The following CDC27 variants were observed in gnomAD, a reference collection of about 807,000 sequenced individuals.
CDC27 encodes the protein cell division cycle 27.
In CDC27, 27 loss-of-function variants were observed where a neutral mutation model predicts 109.7. The observed-to-expected ratio is 0.25, with a 90% confidence interval of 0.18 to 0.34. The LOEUF is 0.34. Among genes scored for constraint, CDC27 ranks in the 10% least tolerant of loss-of-function variants. The pLI, the probability that CDC27 is intolerant of heterozygous loss-of-function variation, is 1.00. For synonymous variants in CDC27, 266 were observed against 333.9 expected, an observed-to-expected ratio of 0.80 and a Z score of 2.22; for missense variants, 579 against 960.2, an observed-to-expected ratio of 0.60 and a Z score of 5.25.
At chr17:47,149,681 A>G (rs112763614) in intron 9 of CDC27, among the ~76,000 whole-genome samples, 35 of 151,898 alleles carry the variant, frequency 2.3e-4, no homozygotes, top group African/African-American at 8.0e-4. Flanking sequence ...TCAGCTGGGC[A>G]TGGTAGCTCA....
At chr17:47,134,290 C>T (rs891857066) in intron 14 of CDC27, among the ~76,000 whole-genome samples, 1 of 149,174 alleles carries the variant, frequency 6.7e-6, no homozygotes, top group Non-Finnish European at 1.5e-5. Context: ...GAAACCACAC[C>T]CCTAAACCCA....
At chr17:47,127,060 C>T (rs2062162820) in intron 16 of CDC27, among the ~76,000 whole-genome samples, 1 of 152,144 alleles carries the variant, frequency 6.6e-6, no homozygotes, top group South Asian at 2.1e-4. Flanking sequence ...TGTCAAAGTG[C>T]TGGGATTACA....
intron 14 of CDC27, among the ~76,000 whole-genome samples, chr17:47,136,446 A>T (rs1016512585): frequency 6.6e-6 from 1 of 152,226 alleles, no homozygotes; most frequent in African/African-American, 2.4e-5. Flanking sequence ...TGACAAAAAA[A>T]CTACCACAGA....
rs1598431318 is a variant in CDC27 at position 47,137,202 on chromosome 17, T to C, written c.1863A>G (p.Leu621=). Residue 621 remains leucine, a synonymous_variant, in exon 14 of 19, where the codon TTA becomes TTG. Coordinates refer to ENST00000066544, the MANE Select transcript of CDC27 (RefSeq NM_001256.6). ...CTCTGATAGCATTTCGAAAACAAGC[T>C]AATGCTTTGTCCAATTCTTCAGTTA... The part of the protein sequence containing the change: ...FVLTEELDKA[L]ACFRNAIRVN... 1 of 1,611,126 alleles carries C rather than the reference T, an allele frequency of 6.2e-7. No individual in the cohort carries two copies. The highest frequency in any genetic ancestry group is 8.5e-7 in the Non-Finnish European group (1 of 1,179,090).
chr17:47,137,278 A>G lies in CDC27; in HGVS notation c.1787T>C (p.Val596Ala). The change falls in exon 14 of 19, where the codon GTT becomes GCT. Residue 596 changes from valine to alanine, a missense_variant. Physicochemically the swap from Val to Ala is moderately conservative, Grantham distance 64. Coordinates refer to ENST00000066544, the MANE Select transcript of CDC27 (RefSeq NM_001256.6). Reference sequence around the variant, plus strand: ...ATAGGCATAAGCGTAATTTGGATCAACTTGGATAGCTCTCTGGAAGAATTT... The same window carrying G: ...ATAGGCATAAGCGTAATTTGGATCAGCTTGGATAGCTCTCTGGAAGAATTT... The part of the protein sequence containing the change: ...AIKFFQRAIQ[V>A]DPNYAYAYTL... The G allele has an allele frequency of 6.2e-7, 1 of 1,612,246 alleles. No individual in the cohort carries two copies.
At chr17:47,126,243 C>G (rs1223218370) in intron 16 of CDC27, among the ~76,000 whole-genome samples, 3 of 152,090 alleles carry the variant, frequency 2.0e-5, no homozygotes, top group African/African-American at 7.2e-5. Context: ...TGACACAGCC[C>G]CAGGAGATCC....
chr17:47,189,038 C>A lies in CDC27; in HGVS notation c.27+108G>T, dbSNP rs940739820. The A allele has an allele frequency of 2.6e-6, 4 of 1,513,090 alleles. No homozygotes were observed. The African/African-American group carries it at 5.5e-5, about 21-fold the overall frequency. 93.7% of individuals were successfully genotyped at this position (1,513,090 alleles called of 1,614,324 possible). On this transcript the variant is annotated intron_variant, in intron 1 of 18. Coordinates refer to ENST00000066544, the MANE Select transcript of CDC27 (RefSeq NM_001256.6). ...AGGCAGGACACGGCAGCAGGGGAGG[C>A]GGGAGAAGCAGCCGGGCCTAGGCCG...
chr17:47,155,228 T>C (rs2063266811), intron 7 of CDC27, among the ~76,000 whole-genome samples: 1 of 152,174 alleles, frequency 6.6e-6, no homozygotes, highest in Non-Finnish European at 1.5e-5. Context: ...ACCTGATTCA[T>C]AGAATTTCTT....
chr17:47,135,901 G>T (rs950892654), intron 14 of CDC27, among the ~76,000 whole-genome samples: 4 of 152,192 alleles, frequency 2.6e-5, no homozygotes, highest in African/African-American at 9.7e-5. Flanking sequence ...CCAGCACTGG[G>T]AGGCCAAAGT....
At chr17:47,138,639 TG>T in intron 13 of CDC27, 99 bp downstream of exon 13, 1 of 763,986 alleles carries the variant, frequency 1.3e-6, no homozygotes, top group Non-Finnish European at 2.2e-6. Flanking sequence ...GAAATAAGCG[TG>T]GGTGACACTA....
chr17:47,187,144 C>T (rs2149024104), intron 1 of CDC27, among the ~76,000 whole-genome samples: 1 of 152,178 alleles, frequency 6.6e-6, no homozygotes, highest in East Asian at 1.9e-4. Flanking sequence ...ATCTAATGGA[C>T]AATGCTGCTA....
rs2061958168 is a variant in CDC27, at chr17:47,120,598, T to G, written c.*337A>C. The G allele has an allele frequency of 2.2e-5, 4 of 184,264 alleles. No individual in the cohort carries two copies. The highest frequency in any genetic ancestry group is 9.4e-5 in the African/African-American group (4 of 42,628). The allele number at this position is 184,264 out of a possible 1,614,324, so 11.4% of individuals were successfully genotyped here. Reference sequence around the variant, plus strand: ...AAGAAACTCTGGTTCATCACTATTTTCCATATCTAATGGTTCCTTCAAGAT... The same window carrying G: ...AAGAAACTCTGGTTCATCACTATTTGCCATATCTAATGGTTCCTTCAAGAT... On this transcript the variant is annotated 3_prime_UTR_variant, in exon 19 of 19. Transcript: ENST00000066544.
intron 14 of CDC27, among the ~76,000 whole-genome samples, chr17:47,133,448 T>G (rs974357327): frequency 3.4e-5 from 5 of 146,196 alleles, no homozygotes; most frequent in African/African-American, 1.3e-4. Flanking sequence ...GTTTTTTTGT[T>G]TTTTTTTTGA....
chr17:47,179,166 A>G (rs16941628), intron 2 of CDC27, among the ~76,000 whole-genome samples: 15,852 of 152,234 alleles, frequency 0.1, 938 homozygotes, highest in South Asian at 0.2. Flanking sequence ...AGAACTAGTG[A>G]AACTGAGAAA....
chr17:47,132,870 A>G (rs570494562), intron 14 of CDC27, among the ~76,000 whole-genome samples: 1 of 140,984 alleles, frequency 7.1e-6, no homozygotes, highest in Admixed American at 7.2e-5. Flanking sequence ...CCCAGGCTCA[A>G]GTGATCAATC....
Position 47,182,327 on chromosome 17 carries a change from T to G in CDC27, c.28-690A>C, listed in dbSNP as rs11570456. On this transcript the variant is annotated intron_variant, in intron 1 of 18. Transcript: ENST00000066544. ...CAAAACATATAACCTAAAGTATATA[T>G]GAGATAGAAGGACATTTTAAGTAAC... Among the ~76,000 whole-genome samples, 504 of 152,308 alleles carry G rather than the reference T, an allele frequency of 3.3e-3. 20 individuals are homozygous for G. The East Asian group carries it at 0.08, about 24-fold the overall frequency.
chr17:47,182,448 C>A (rs2064279938), intron 1 of CDC27, among the ~76,000 whole-genome samples: 1 of 152,176 alleles, frequency 6.6e-6, no homozygotes, highest in Admixed American at 6.5e-5. Context: ...GATACCAAAA[C>A]CTCTCCCTGC....
chr17:47,140,326 T>C (rs1263892763), intron 12 of CDC27, among the ~76,000 whole-genome samples: 3 of 152,014 alleles, frequency 2.0e-5, no homozygotes, highest in Non-Finnish European at 2.9e-5. Context: ...ATTGGCCAGG[T>C]TGGTCTCCAA....
At chr17:47,182,893 G>C (rs2064298434) in intron 1 of CDC27, among the ~76,000 whole-genome samples, 1 of 151,956 alleles carries the variant, frequency 6.6e-6, no homozygotes, top group Non-Finnish European at 1.5e-5. Context: ...TATCACGGTG[G>C]TGTGAGCCTT....
Sources: gnomAD v4.1 joint callset for allele counts (sites outside exome capture counted in the v4.1 genomes callset) on GRCh38, gnomAD v4.1.1 for gene constraint, MANE v1.5 for transcripts, NCBI Gene and HGNC (gene_info 2026-07-23, HGNC 2026-07-21) for gene names.